The following PTPRF variants were observed in gnomAD, a reference collection of about 807,000 sequenced individuals.
PTPRF encodes receptor-type tyrosine-protein phosphatase F.
In PTPRF, 59 loss-of-function variants were observed where a neutral mutation model predicts 201.8. The observed-to-expected ratio is 0.29, with a 90% CI of 0.24 to 0.36. The LOEUF is 0.36. Among genes scored for constraint, PTPRF ranks in the 10% least tolerant of loss-of-function variants. The pLI, the probability that PTPRF is intolerant of heterozygous loss-of-function variation, is 1.00. For missense variants in PTPRF, 2,132 were observed against 2,690.5 expected (o/e 0.79, Z 4.59); for synonymous variants, 1,088 against 1,089.7 (o/e 1.00, Z 0.03).
At chr1:43,612,712 T>C in intron 22 of PTPRF, 1 of 1,325,272 alleles carries the variant, frequency 7.5e-7, no homozygotes, top group Non-Finnish European at 1.0e-6. Flanking sequence ...GTTAACGGGC[T>C]TTCTTTTCTT....
upstream of PTPRF, among the ~76,000 whole-genome samples, chr1:43,529,586 G>C (rs1202482422): frequency 2.0e-5 from 3 of 152,332 alleles, no homozygotes; most frequent in South Asian, 4.1e-4. Context: ...CCAGGGCAGT[G>C]GGGGTAGGTC....
intron 11 of PTPRF, among the ~76,000 whole-genome samples, chr1:43,595,331 C>T (rs1056189216): frequency 1.4e-4 from 21 of 152,196 alleles, no homozygotes; most frequent in Non-Finnish European, 2.9e-4. Flanking sequence ...TCTCCTGCCT[C>T]AGCCTCCCGA....
At chr1:43,550,415 G>A (rs1644956462) in intron 3 of PTPRF, among the ~76,000 whole-genome samples, 1 of 144,448 alleles carries the variant, frequency 6.9e-6, no homozygotes, top group African/African-American at 2.5e-5. Flanking sequence ...CCAGCCCCCA[G>A]TTTCTGCCGC....
chr1:43,564,201 G>A (rs1645999130), intron 5 of PTPRF, among the ~76,000 whole-genome samples: 1 of 152,204 alleles, frequency 6.6e-6, no homozygotes, highest in Non-Finnish European at 1.5e-5. Context: ...CTGGAAGCCT[G>A]GGGGTGGGGC....
intron 2 of PTPRF, among the ~76,000 whole-genome samples, chr1:43,541,006 G>A (rs866945224): frequency 6.6e-6 from 1 of 152,238 alleles, no homozygotes; most frequent in Non-Finnish European, 1.5e-5. Context: ...AAAAGGGCTC[G>A]GTTAGCTGCC....
rs1317784423 is a variant in PTPRF at position 43,592,504 on chromosome 1, G to A, written c.1716G>A (p.Leu572=). The A allele has an allele frequency of 6.2e-7, 1 of 1,612,878 alleles. No individual in the cohort carries two copies. Among genetic ancestry groups the A allele is most frequent in the African/African-American group, 1.3e-5 (1 of 74,816 alleles). The change falls in exon 11 of 34, where the codon CTG becomes CTA. Residue 572 remains leucine, a synonymous_variant. Transcript: ENST00000359947. ...CCTCCTCCTACACACTAGAGGACCT[G>A]AAGCCTGACACACTCTACCGCTTCC... ...DPTSSYTLED[L]KPDTLYRFQL... is the part of the protein sequence containing the mutation.
chr1:43,603,524 A>G lies in PTPRF; in HGVS notation c.2449A>G (p.Thr817Ala), dbSNP rs1654302822. The G allele has an allele frequency of 3.1e-6, 5 of 1,613,988 alleles. No individual in the cohort carries two copies. Among genetic ancestry groups the G allele is most frequent in the Middle Eastern group, 1.6e-4 (1 of 6,062 alleles). Reference protein sequence around the residue: ...ARSKPKIVTTTGAVPGRPTMM... With the variant: ...ARSKPKIVTTAGAVPGRPTMM... ...CAGCAAGCCCAAAATTGTCACTACA[A>G]CAGGTGCAGGTGAGTGAGGGGTCAG... Residue 817 changes from threonine to alanine, a missense_variant, in exon 15 of 34, where the codon ACA becomes GCA. Transcript: ENST00000359947. This position sits in a 1 kb window ranked among gnomAD's most constrained non-coding sequence, Gnocchi z 5.8.
chr1:43,620,265 A>C, intron 30 of PTPRF, 44 bp downstream of exon 30: 2 of 1,608,640 alleles, frequency 1.2e-6, no homozygotes, highest in Non-Finnish European at 1.7e-6. Context: ...TACCTGGGAG[A>C]ACACCAGCCA....
intron 23 of PTPRF, among the ~76,000 whole-genome samples, chr1:43,617,167 C>T (rs1003691472): frequency 2.6e-5 from 4 of 152,048 alleles, no homozygotes; most frequent in Non-Finnish European, 4.4e-5. Context: ...TGCAGGGCTT[C>T]GAGAGACCCT....
At chr1:43,613,065 C>G (rs1656866717) in intron 22 of PTPRF, 1 of 356,224 alleles carries the variant, frequency 2.8e-6, no homozygotes, top group Non-Finnish European at 5.5e-6. Flanking sequence ...GCCTGACACC[C>G]TTCCTTCTGC....
chr1:43,606,743 A>G (rs1238737364), intron 20 of PTPRF, 71 bp from the exon 21 acceptor site: 12 of 1,568,074 alleles, frequency 7.7e-6, no homozygotes, highest in Non-Finnish European at 9.5e-6. Flanking sequence ...CCCTTTCTCC[A>G]GGATTAATAG....
At chr1:43,587,399 A>G (rs139196095) in intron 7 of PTPRF, among the ~76,000 whole-genome samples, 11 of 152,258 alleles carry the variant, frequency 7.2e-5, no homozygotes, top group African/African-American at 2.6e-4. Context: ...GATTTGGAAG[A>G]TATGTTATGC....
chr1:43,560,805 G>C (rs1645754300), intron 5 of PTPRF, among the ~76,000 whole-genome samples: 1 of 152,164 alleles, frequency 6.6e-6, no homozygotes, highest in Non-Finnish European at 1.5e-5. Flanking sequence ...AGACCTGCCT[G>C]CAGGAGGTCT....
intron 5 of PTPRF, among the ~76,000 whole-genome samples, chr1:43,560,600 C>G (rs1259433184): frequency 2.0e-5 from 3 of 152,152 alleles, no homozygotes; most frequent in Non-Finnish European, 4.4e-5. Flanking sequence ...GTCGGAGATG[C>G]TGTGTCTGGG....
At position 43,588,265 on chromosome 1, in the gene PTPRF, T is replaced by C. The variant is rs1649688907; in HGVS notation, c.680-466T>C. On this transcript the variant is annotated intron_variant, in intron 7 of 33. Coordinates refer to ENST00000359947, the MANE Select transcript of PTPRF (RefSeq NM_002840.5). This position sits in a 1 kb window ranked among gnomAD's most constrained non-coding sequence, Gnocchi z 5.3. ...GTGGCTGTGTCCCTCTGGACTGGCC[T>C]TCTGCTCTGCCCAGCCATGCTCTGA... 6.6e-6 allele frequency among the ~76,000 whole-genome samples: 1 copy of C among 152,160 alleles called. No individual in the cohort carries two copies. Among genetic ancestry groups the C allele is most frequent in the Non-Finnish European group, 1.5e-5 (1 of 68,020 alleles).
At chr1:43,595,767 A>G (rs1400344802) in intron 11 of PTPRF, among the ~76,000 whole-genome samples, 1 of 151,968 alleles carries the variant, frequency 6.6e-6, no homozygotes, top group Non-Finnish European at 1.5e-5. Flanking sequence ...GTAGCAAGAG[A>G]TGGAGGGAGC....
chr1:43,544,993 A>T (rs1644571529), intron 2 of PTPRF, 38 bp from the exon 3 acceptor site: 2 of 1,254,620 alleles, frequency 1.6e-6, no homozygotes, highest in Admixed American at 4.6e-5. Flanking sequence ...ACAGCAGTAA[A>T]TACCAGCTAA....
intron 23 of PTPRF, 99 bp from the exon 24 acceptor site, chr1:43,617,346 C>A: frequency 6.5e-7 from 1 of 1,527,106 alleles, no homozygotes; most frequent in Middle Eastern, 2.2e-4. Flanking sequence ...GGAGTGAAGG[C>A]AGGATGTGAG....
chr1:43,527,472 G>A (rs1229839454), upstream of PTPRF, among the ~76,000 whole-genome samples: 1 of 152,238 alleles, frequency 6.6e-6, no homozygotes, highest in Non-Finnish European at 1.5e-5. Flanking sequence ...TCCAGATGGC[G>A]TACATGCAGA....
Sources: allele counts gnomAD v4.1 joint callset (sites outside exome capture counted in the v4.1 genomes callset), GRCh38; gene constraint gnomAD v4.1.1; non-coding constraint Gnocchi (gnomAD v3.1); transcripts MANE v1.5; gene names NCBI Gene and HGNC (gene_info 2026-07-23, HGNC 2026-07-21).